The following NCR2 variants were observed in gnomAD, a reference collection of about 807,000 sequenced individuals.
NCR2 encodes the protein natural cytotoxicity triggering receptor 2, also known as NK cell activating receptor (NKp44).
A neutral mutation model predicts 30.7 loss-of-function variants in NCR2; 35 were observed. The ratio of observed to expected loss-of-function variants is 1.14; its 90% confidence interval spans 0.87 to 1.51. The LOEUF is 1.51. Among genes scored for constraint, NCR2 ranks in the 40% most tolerant of loss-of-function variants. The pLI is 0.00. For missense variants in NCR2, 316 were observed against 328.9 expected (o/e 0.96, Z 0.30); for synonymous variants, 146 against 134.8 (o/e 1.08, Z -0.58).
At chr6:41,343,748 T>G (rs1444792284) in intron 4 of NCR2, among the ~76,000 whole-genome samples, 1 of 152,158 alleles carries the variant, frequency 6.6e-6, no homozygotes, top group Middle Eastern at 3.2e-3. Flanking sequence ...AAAACTGACC[T>G]GTTCAGGGAT....
chr6:41,338,886 T>C lies in NCR2; in HGVS notation c.394+2458T>C, dbSNP rs143413923. 3.9e-5 allele frequency among the ~76,000 whole-genome samples: 6 copies of C among 152,358 alleles called. No homozygotes were observed. In the East Asian group the frequency reaches 7.7e-4, roughly 20 times the overall value. ...TCAGTAATGTTTTGGCAATTGTAGA[T>C]GGATTGTTGGTCTTTGCAGTACAAA... On this transcript the variant is annotated intron_variant, in intron 2 of 4. Transcript: ENST00000373089.
Position 41,350,668 on chromosome 6 carries a change from C to G in NCR2, c.645-10C>G. 1 of 1,611,198 alleles carries G rather than the reference C, an allele frequency of 6.2e-7. No homozygotes were observed. The highest frequency in any genetic ancestry group is 8.5e-7 in the Non-Finnish European group (1 of 1,178,826). On this transcript the variant is annotated splice_polypyrimidine_tract_variant and intron_variant, in intron 4 of 4. Transcript: ENST00000373089. Reference sequence around the variant, plus strand: ...CTGACCACCTTCCTGGTTTCCTGCTCTGATTGCAGGGGGGACATATGGTGG... The same window carrying G: ...CTGACCACCTTCCTGGTTTCCTGCTGTGATTGCAGGGGGGACATATGGTGG...
At chr6:41,342,223 G>A in intron 4 of NCR2, 74 bp downstream of exon 4, 2 of 1,576,536 alleles carry the variant, frequency 1.3e-6, no homozygotes, top group Non-Finnish European at 8.6e-7. Context: ...AGGGTCAGAG[G>A]GGAATCGGCC....
chr6:41,342,003 G>C, intron 3 of NCR2, 33 bp from the exon 4 acceptor site: 2 of 1,613,458 alleles, frequency 1.2e-6, no homozygotes, highest in Non-Finnish European at 1.7e-6. Context: ...TCCCCAGCCC[G>C]TCCTCTCCCC....
intron 4 of NCR2, chr6:41,342,790 G>C: frequency 1.4e-6 from 1 of 735,128 alleles, no homozygotes; most frequent in Non-Finnish European, 2.3e-6. Context: ...GTGGGGCTGA[G>C]TGAAAGGTGC....
In NCR2 at chr6:41,336,285, GGGAC is replaced by G. The variant is rs767094044; in HGVS notation, c.253_256del (p.Asp85ThrfsTer11). 3.5e-5 allele frequency: 57 copies of G among 1,614,024 alleles called. No individual in the cohort carries two copies. The highest frequency in any genetic ancestry group is 4.6e-5 in the Non-Finnish European group (54 of 1,180,032). On this transcript the variant is annotated frameshift_variant, in exon 2 of 5. Coordinates refer to ENST00000373089, the MANE Select transcript of NCR2 (RefSeq NM_004828.4). LOFTEE classifies it high-confidence loss of function. ...GCTTGGACCTCTCGATTCACAATCT[GGGAC>G]GACCCTGATGCTGGCTTCTTCACTG...
In NCR2 at chr6:41,336,067, G is replaced by A. The variant is rs9471576; in HGVS notation, c.53-20G>A. 0.085 allele frequency: 136,134 copies of A among 1,608,032 alleles called. 7,998 individuals are homozygous for A. Among genetic ancestry groups the A allele is most frequent in the East Asian group, 0.33 (14,666 of 44,756 alleles). On this transcript the variant is annotated intron_variant, in intron 1 of 4. Coordinates refer to ENST00000373089, the MANE Select transcript of NCR2 (RefSeq NM_004828.4). ...TTGTGCGCGTGGCCTTGACCTATGCGTTACTTCATCATTCTCCAGGCTCTC... is the reference window on the plus strand; with the variant it reads ...TTGTGCGCGTGGCCTTGACCTATGCATTACTTCATCATTCTCCAGGCTCTC...
rs1581667100 is a variant in NCR2 at position 41,349,553 on chromosome 6, A to G, written c.645-1125A>G. Among the ~76,000 whole-genome samples the G allele has an allele frequency of 2.6e-5, 4 of 152,300 alleles. No homozygotes were observed. The East Asian group carries it at 7.7e-4, about 29-fold the overall frequency. ...GGGAGGGGAGGGGGCTGAAGACTGC[A>G]TTAATCATCAATCAAGCTGACATGA... On this transcript the variant is annotated intron_variant, in intron 4 of 4. Transcript: ENST00000373089.
chr6:41,349,114 TTA>T (rs898932286), intron 4 of NCR2, among the ~76,000 whole-genome samples: 17 of 146,130 alleles, frequency 1.2e-4, no homozygotes, highest in African/African-American at 4.2e-4. Flanking sequence ...TTTTTATTTT[TTA>T]TATTTTATTT....
chr6:41,350,626 C>T (rs1769403392), intron 4 of NCR2, 52 bp from the exon 5 acceptor site: 2 of 1,533,434 alleles, frequency 1.3e-6, no homozygotes, highest in Admixed American at 1.8e-5. Context: ...CACCTATGTG[C>T]AATTATGTGG....
rs1335525945 is a variant in NCR2 at position 41,335,882 on chromosome 6, C to T, written c.6C>T (p.Ala2=). 1 of 1,567,284 alleles carries T rather than the reference C, an allele frequency of 6.4e-7. No individual in the cohort carries two copies. The highest frequency in any genetic ancestry group is 8.7e-7 in the Non-Finnish European group (1 of 1,155,498). Residue 2 remains alanine, a synonymous_variant, in exon 1 of 5, where the codon GCC becomes GCT. Transcript: ENST00000373089. ...GCGCACAGGAAAAGGACCACATGGC[C>T]TGGCGAGCCCTACACCCACTGCTAC... M[A]WRALHPLLLL... is the part of the protein sequence containing the mutation.
chr6:41,344,347 C>T (rs1374391267), intron 4 of NCR2, among the ~76,000 whole-genome samples: 2 of 152,180 alleles, frequency 1.3e-5, no homozygotes, highest in Admixed American at 6.5e-5. Context: ...CGCCTCAACT[C>T]GCCACATTCA....
chr6:41,348,995 T>G (rs1769368077), intron 4 of NCR2, among the ~76,000 whole-genome samples: 1 of 151,070 alleles, frequency 6.6e-6, no homozygotes, highest in Non-Finnish European at 1.5e-5. Flanking sequence ...GCCTTTTGCC[T>G]GAGACACTAT....
At chr6:41,340,496 A>G (rs1278445126) in intron 2 of NCR2, among the ~76,000 whole-genome samples, 1 of 152,170 alleles carries the variant, frequency 6.6e-6, no homozygotes, top group African/African-American at 2.4e-5. Flanking sequence ...ACACACTGTA[A>G]CATGGCTCTG....
At chr6:41,345,609 GTCA>G (rs1769281388) in intron 4 of NCR2, among the ~76,000 whole-genome samples, 2 of 151,916 alleles carry the variant, frequency 1.3e-5, no homozygotes, top group Non-Finnish European at 2.9e-5. Flanking sequence ...TTCCCCCAAG[GTCA>G]GCACTCAGAC....
intron 2 of NCR2, among the ~76,000 whole-genome samples, chr6:41,340,053 G>A (rs1035133063): frequency 6.6e-6 from 1 of 151,996 alleles, no homozygotes; most frequent in Non-Finnish European, 1.5e-5. Flanking sequence ...TTTAAAAAAA[G>A]TTTGATTAAA....
intron 2 of NCR2, among the ~76,000 whole-genome samples, chr6:41,341,462 G>A (rs866919737): frequency 3.9e-5 from 6 of 152,118 alleles, no homozygotes; most frequent in South Asian, 4.1e-4. Flanking sequence ...GCAGAGAGCC[G>A]AAGGGGCCCG....
intron 4 of NCR2, among the ~76,000 whole-genome samples, chr6:41,350,017 T>C (rs1292103397): frequency 6.6e-6 from 1 of 152,182 alleles, no homozygotes; most frequent in East Asian, 1.9e-4. Flanking sequence ...ACAACCCAGC[T>C]CATGAGGGAC....
At chr6:41,343,125 G>A in intron 4 of NCR2, 1 of 1,059,494 alleles carries the variant, frequency 9.4e-7, no homozygotes, top group Non-Finnish European at 1.4e-6. Flanking sequence ...CTTGATCCAA[G>A]GCCTTTAGCC....
Sources: gnomAD v4.1 joint callset for allele counts (sites outside exome capture counted in the v4.1 genomes callset) on GRCh38, gnomAD v4.1.1 for gene constraint, MANE v1.5 for transcripts, NCBI Gene and HGNC (gene_info 2026-07-23, HGNC 2026-07-21) for gene names.